The following SLC37A3 variants were observed in gnomAD, a reference collection of about 807,000 sequenced individuals.
SLC37A3 encodes the protein solute carrier family 37 member 3, also known as sugar phosphate exchanger 3.
Under a neutral mutation model 67.1 loss-of-function variants are expected in SLC37A3, and 51 were observed. The ratio of observed to expected loss-of-function variants is 0.76; its 90% CI spans 0.61 to 0.96. SLC37A3 has a LOEUF of 0.96. Among genes scored for constraint, SLC37A3 ranks in the 40% least tolerant of loss-of-function variants. The probability of loss-of-function intolerance (pLI) is 0.00; values close to 1 mark genes in which losing one functional copy is unlikely to be tolerated. For missense variants in SLC37A3, 508 were observed against 603.0 expected, an observed-to-expected ratio of 0.84 and a Z score of 1.65; for synonymous variants, 214 against 231.4, an observed-to-expected ratio of 0.92 and a Z score of 0.68.
Position 140,335,230 on chromosome 7 carries a change from A to C in SLC37A3, c.*182T>G, listed in dbSNP as rs756609802. 3.1e-6 allele frequency: 5 copies of C among 1,612,206 alleles called. No individual in the cohort carries two copies. In the South Asian group the frequency reaches 5.5e-5, roughly 18 times the overall value. On this transcript the variant is annotated 3_prime_UTR_variant, in exon 15 of 15. Transcript: ENST00000326232. ...AAAAATCATCAACAGTAATTCCTGT[A>C]GTGTAGAAAACTAGTGCAGCCTTCA...
At chr7:140,369,967 A>G (rs1018000191) in intron 3 of SLC37A3, among the ~76,000 whole-genome samples, 1 of 152,082 alleles carries the variant, frequency 6.6e-6, no homozygotes, top group South Asian at 2.1e-4. Context: ...AAAATTAGCC[A>G]GGCATGGTGG....
chr7:140,363,735 C>T lies in SLC37A3; in HGVS notation c.375+673G>A, dbSNP rs1384556722. ...AAATAAAAAAAAAAGAGCAAAACTC[C>T]GCCTCAAAAAAAAAAAAAAAAAAAA... On this transcript the variant is annotated intron_variant, in intron 5 of 14. Coordinates refer to ENST00000326232, the MANE Select transcript of SLC37A3 (RefSeq NM_207113.3). 8.3e-5 allele frequency among the ~76,000 whole-genome samples: 11 copies of T among 132,470 alleles called. No homozygotes were observed. The South Asian group carries it at 1.4e-3, about 17-fold the overall frequency. The allele number at this position is 132,470 out of a possible 152,430, so 86.9% of individuals were successfully genotyped here.
At chr7:140,395,379 TAAA>T (rs35674101) in intron 1 of SLC37A3, among the ~76,000 whole-genome samples, 15 of 77,804 alleles carry the variant, frequency 1.9e-4, no homozygotes, top group East Asian at 7.5e-4. Flanking sequence ...CATCTCAAAT[TAAA>T]AAAAAAAAAA....
At chr7:140,385,888 T>C (rs1002445193) in intron 1 of SLC37A3, among the ~76,000 whole-genome samples, 3 of 152,172 alleles carry the variant, frequency 2.0e-5, no homozygotes, top group African/African-American at 4.8e-5. Context: ...GTTCAAGAGA[T>C]TCTCCTGCCT....
chr7:140,361,454 C>T (rs1797269915), intron 5 of SLC37A3, among the ~76,000 whole-genome samples: 1 of 149,140 alleles, frequency 6.7e-6, no homozygotes, highest in Non-Finnish European at 1.5e-5. Context: ...TCCACTCCAG[C>T]CTGGGCAACA....
chr7:140,387,590 G>A (rs1798504586), intron 1 of SLC37A3, among the ~76,000 whole-genome samples: 1 of 136,564 alleles, frequency 7.3e-6, no homozygotes, highest in African/African-American at 2.8e-5. Context: ...ACTCCAGCCT[G>A]GGCAAAAGAC....
At chr7:140,368,051 T>A (rs1797671965) in intron 4 of SLC37A3, among the ~76,000 whole-genome samples, 1 of 151,876 alleles carries the variant, frequency 6.6e-6, no homozygotes, top group Non-Finnish European at 1.5e-5. Context: ...TGACCCCAAG[T>A]TATCCACCTG....
chr7:140,352,227 A>AGGGGGGGG, intron 7 of SLC37A3, 81 bp from the exon 8 acceptor site: 1 of 245,666 alleles, frequency 4.1e-6, no homozygotes. Context: ...TGTGTGGGGG[A>AGGGGGGGG]AGGTGGGGGT....
chr7:140,391,576 A>C (rs1798727226), intron 1 of SLC37A3, among the ~76,000 whole-genome samples: 1 of 152,210 alleles, frequency 6.6e-6, no homozygotes, highest in South Asian at 2.1e-4. Flanking sequence ...ACAATAAGAT[A>C]AAACACAACT....
intron 3 of SLC37A3, among the ~76,000 whole-genome samples, chr7:140,372,865 A>C (rs1797878003): frequency 6.6e-6 from 1 of 151,920 alleles, no homozygotes. Context: ...TCTATCTCAA[A>C]AAAAAAAAAG....
At position 140,343,429 on chromosome 7, in the gene SLC37A3, C is replaced by T. The variant is rs1796435862; in HGVS notation, c.1309G>A (p.Gly437Arg). 1 of 1,613,664 alleles carries T rather than the reference C, an allele frequency of 6.2e-7. No homozygotes were observed. ...TGIVDGSGSI[G>R]AAVGQYLVSL... is the part of the protein sequence containing the mutation. ...TCTCTCACCTGGCCCACTGCAGCTC[C>T]AATGCTCCCCGAACCATCCACAATT... The change falls in exon 13 of 15, where the codon GGA becomes AGA. Residue 437 changes from glycine to arginine, a missense_variant. Transcript: ENST00000326232.
chr7:140,378,996 G>A (rs1210826605), intron 3 of SLC37A3, among the ~76,000 whole-genome samples: 5 of 152,082 alleles, frequency 3.3e-5, no homozygotes, highest in East Asian at 3.9e-4. Context: ...GCAGTGAGCC[G>A]AGATCACGCC....
At chr7:140,346,914 G>A (rs1054365794) in intron 10 of SLC37A3, among the ~76,000 whole-genome samples, 2 of 151,938 alleles carry the variant, frequency 1.3e-5, no homozygotes, top group Non-Finnish European at 2.9e-5. Flanking sequence ...TCTAGCCTGG[G>A]CAACAGAGCA....
chr7:140,337,181 C>T, intron 14 of SLC37A3, 103 bp downstream of exon 14: 2 of 725,538 alleles, frequency 2.8e-6, no homozygotes, highest in Non-Finnish European at 4.2e-6. Context: ...ACAAAGGAGC[C>T]TTTAAAAGCA....
chr7:140,365,702 T>C (rs1797569908), intron 4 of SLC37A3, among the ~76,000 whole-genome samples: 1 of 152,054 alleles, frequency 6.6e-6, no homozygotes, highest in East Asian at 1.9e-4. Context: ...GCCTGGGCGA[T>C]AGAGTGGGAC....
chr7:140,396,288 C>G (rs2130003865), intron 1 of SLC37A3, among the ~76,000 whole-genome samples: 2 of 152,166 alleles, frequency 1.3e-5, no homozygotes, highest in Middle Eastern at 6.8e-3. Context: ...CCTCCCAAAG[C>G]CCTAGGATTA....
intron 13 of SLC37A3, among the ~76,000 whole-genome samples, chr7:140,339,101 C>T (rs1585244570): frequency 6.6e-6 from 1 of 151,972 alleles, no homozygotes; most frequent in East Asian, 1.9e-4. Context: ...ACTGTAACTT[C>T]CCTTCATTTC....
At chr7:140,339,708 C>T (rs1796280538) in intron 13 of SLC37A3, among the ~76,000 whole-genome samples, 1 of 151,628 alleles carries the variant, frequency 6.6e-6, no homozygotes, top group Non-Finnish European at 1.5e-5. Context: ...CCAATTTCTG[C>T]ACATCCTTGC....
At chr7:140,342,384 T>C (rs1468189410) in intron 13 of SLC37A3, among the ~76,000 whole-genome samples, 2 of 152,310 alleles carry the variant, frequency 1.3e-5, no homozygotes, top group African/African-American at 2.4e-5. Context: ...TCTACATCCA[T>C]GACCTTACTA....
Sources: gnomAD v4.1 joint callset for allele counts (sites outside exome capture counted in the v4.1 genomes callset) on GRCh38, gnomAD v4.1.1 for gene constraint, MANE v1.5 for transcripts, NCBI Gene and HGNC (gene_info 2026-07-23, HGNC 2026-07-21) for gene names.